The following GLIS3 variants were observed in gnomAD, a reference collection of about 807,000 sequenced individuals.
GLIS3 encodes GLIS family zinc finger 3.
In GLIS3, 53 loss-of-function variants were observed where a neutral mutation model predicts 78.6. That is an observed-to-expected ratio of 0.67 (90% CI 0.54 to 0.85). The LOEUF is 0.85. GLIS3 is among the 40% of genes least tolerant of loss of function. The probability of loss-of-function intolerance (pLI) is 0.00; values close to 1 mark genes in which losing one functional copy is unlikely to be tolerated. For missense variants in GLIS3, 1,703 were observed against 1,231.1 expected, an observed-to-expected ratio of 1.38 and a Z score of -5.74; for synonymous variants, 684 against 509.9, an observed-to-expected ratio of 1.34 and a Z score of -4.60.
At chr9:4,232,170 G>C (rs184838828) in intron 2 of GLIS3, among the ~76,000 whole-genome samples, 4 of 152,060 alleles carry the variant, frequency 2.6e-5, no homozygotes, top group African/African-American at 9.6e-5. Context: ...TTGAGGCCAG[G>C]GGTTCAAGAC....
intron 4 of GLIS3, among the ~76,000 whole-genome samples, chr9:4,095,205 C>G (rs1829846180): frequency 1.3e-5 from 2 of 152,172 alleles, no homozygotes; most frequent in Non-Finnish European, 2.9e-5. Flanking sequence ...TTCCCAGCCT[C>G]TAGTATTCTC....
rs114436110 is a variant in GLIS3 at position 4,298,248 on chromosome 9, C to G, written c.-99+1173G>C. The stretch of plus-strand genomic sequence containing the variant: ...CGGGCTCGCAGTCCCCCCACGCCGG[C>G]CCCCCGGTCCCCGCCGAGCCAGTGT... On this transcript the variant is annotated intron_variant, in intron 1 of 10. Coordinates refer to ENST00000381971, the MANE Select transcript of GLIS3 (RefSeq NM_001042413.2). The G allele has an allele frequency of 2.0e-5, 6 of 303,490 alleles. No individual in the cohort carries two copies. The East Asian group carries it at 7.6e-4, about 38-fold the overall frequency. 18.8% of individuals were successfully genotyped at this position (303,490 alleles called of 1,614,324 possible).
Position 4,216,176 on chromosome 9 carries a change from G to C in GLIS3, c.388+69862C>G, listed in dbSNP as rs1372948286. Among the ~76,000 whole-genome samples the C allele has an allele frequency of 5.9e-5, 9 of 152,150 alleles. No homozygotes were observed. The East Asian group carries it at 1.7e-3, about 29-fold the overall frequency. On this transcript the variant is annotated intron_variant, in intron 2 of 10. Coordinates refer to ENST00000381971, the MANE Select transcript of GLIS3 (RefSeq NM_001042413.2). Reference sequence around the variant, plus strand: ...GTTCTAAATTAATTTCATGCAAGAAGAAAATGTGGGTTGAGGCCAGGCACG... The same window carrying C: ...GTTCTAAATTAATTTCATGCAAGAACAAAATGTGGGTTGAGGCCAGGCACG...
Position 4,286,217 on chromosome 9 carries a change from G to A in GLIS3, c.209C>T (p.Pro70Leu), listed in dbSNP as rs767830058. 3 of 1,614,114 alleles carry A rather than the reference G, an allele frequency of 1.9e-6. No homozygotes were observed. The African/African-American group carries it at 4.0e-5, about 22-fold the overall frequency. The change falls in exon 2 of 11, where the codon CCT becomes CTT. Residue 70 changes from proline (P) to leucine (L), a missense_variant. Physicochemically the swap from Pro to Leu is moderately conservative, Grantham distance 98. Coordinates refer to ENST00000381971, the MANE Select transcript of GLIS3 (RefSeq NM_001042413.2). ...LKMPSGGGMA[P>L]QNNVAESRIH... Reference sequence around the variant, plus strand: ...GCGGCTCTCAGCCACGTTGTTCTGAGGAGCCATCCCTCCTCCTGAGGGCAT... The same window carrying A: ...GCGGCTCTCAGCCACGTTGTTCTGAAGAGCCATCCCTCCTCCTGAGGGCAT...
intron 4 of GLIS3, among the ~76,000 whole-genome samples, chr9:3,979,103 C>T (rs1327117360): frequency 1.3e-5 from 2 of 152,084 alleles, no homozygotes; most frequent in East Asian, 1.9e-4. Context: ...TAGGGAAAAC[C>T]ATATATTATA....
chr9:4,197,138 G>A (rs1818937840), intron 2 of GLIS3, among the ~76,000 whole-genome samples: 2 of 152,164 alleles, frequency 1.3e-5, no homozygotes, highest in Non-Finnish European at 2.9e-5. Flanking sequence ...AGATTGTGGT[G>A]CAGTGGGGCT....
chr9:3,829,275 G>C, intron 10 of GLIS3, 35 bp downstream of exon 10: 1 of 1,602,170 alleles, frequency 6.2e-7, no homozygotes, highest in Non-Finnish European at 8.5e-7. Context: ...CCTGTCAGTT[G>C]ACAGGATTTT....
chr9:4,456,513 T>C, the GLIS3 span, among the ~76,000 whole-genome samples: 1 of 152,236 alleles, frequency 6.6e-6, no homozygotes, highest in Non-Finnish European at 1.5e-5. Context: ...TCTGCTTTCT[T>C]ATCACTTGTG....
Position 4,279,324 on chromosome 9 carries a change from T to C in GLIS3, c.388+6714A>G, listed in dbSNP as rs867256421. Among the ~76,000 whole-genome samples the C allele has an allele frequency of 3.5e-3, 294 of 84,750 alleles. 6 individuals are homozygous for C. The highest frequency in any genetic ancestry group is 0.011 in the East Asian group (35 of 3,126). The allele number at this position is 84,750 out of a possible 152,430, so 55.6% of individuals were successfully genotyped here. On this transcript the variant is annotated intron_variant, in intron 2 of 10. Coordinates refer to ENST00000381971, the MANE Select transcript of GLIS3 (RefSeq NM_001042413.2). ...AAAAAAAAAAAAAAAAATATATATA[T>C]ACACACACACACACACACACACACA...
Position 3,879,508 on chromosome 9 carries a change from G to A in GLIS3, c.2216C>T (p.Pro739Leu). 1.2e-6 allele frequency: 2 copies of A among 1,614,104 alleles called. No individual in the cohort carries two copies. Among genetic ancestry groups the A allele is most frequent in the African/African-American group, 1.3e-5 (1 of 75,028 alleles). Residue 739 changes from proline (P) to leucine (L), a missense_variant, in exon 8 of 11, where the codon CCA becomes CTA. By Grantham distance (98) the Pro-to-Leu change is moderately conservative. Coordinates refer to ENST00000381971, the MANE Select transcript of GLIS3 (RefSeq NM_001042413.2). Reference sequence around the variant, plus strand: ...AGGGCTCCCCTGTACATTATGTCCTGGAGAAGGGTGACTGACAGGATGTGG... The same window carrying A: ...AGGGCTCCCCTGTACATTATGTCCTAGAGAAGGGTGACTGACAGGATGTGG... ...PPPHPVSHPS[P>L]GHNVQGSPHN...
chr9:4,209,520 C>A (rs1359486511), intron 2 of GLIS3, among the ~76,000 whole-genome samples: 1 of 152,180 alleles, frequency 6.6e-6, no homozygotes, highest in African/African-American at 2.4e-5. Context: ...AGAAACTTCA[C>A]CAGCAACAAG....
At chr9:4,166,555 G>A (rs1815858286) in intron 2 of GLIS3, among the ~76,000 whole-genome samples, 1 of 152,228 alleles carries the variant, frequency 6.6e-6, no homozygotes, top group Non-Finnish European at 1.5e-5. Flanking sequence ...TTCAAGTGCT[G>A]GCCTGAGTAC....
At chr9:4,392,430 T>C in the GLIS3 span, among the ~76,000 whole-genome samples, 181 of 152,294 alleles carry the variant, frequency 1.2e-3, no homozygotes, top group Non-Finnish European at 2.1e-3. Flanking sequence ...AACAAATGTT[T>C]ATCTTTCCCA....
chr9:4,421,183 T>G, the GLIS3 span, among the ~76,000 whole-genome samples: 5 of 152,190 alleles, frequency 3.3e-5, no homozygotes, highest in Admixed American at 2.0e-4. Context: ...TTGATATTCA[T>G]GAAAGGCTGA....
chr9:4,325,487 C>G (rs1223188863), intron 2 of GLIS3, among the ~76,000 whole-genome samples: 2 of 152,182 alleles, frequency 1.3e-5, no homozygotes, highest in African/African-American at 2.4e-5. Flanking sequence ...ACTAAGCCCA[C>G]TTCCCTCAAA....
the GLIS3 span, among the ~76,000 whole-genome samples, chr9:4,359,471 C>T: frequency 6.6e-6 from 1 of 152,136 alleles, no homozygotes; most frequent in Non-Finnish European, 1.5e-5. Flanking sequence ...TTTCAGCTGA[C>T]CCCTTGGTGA....
intron 2 of GLIS3, among the ~76,000 whole-genome samples, chr9:4,337,331 T>A (rs892701123): frequency 6.6e-6 from 1 of 152,146 alleles, no homozygotes; most frequent in African/African-American, 2.4e-5. Context: ...AATCAGAAAA[T>A]AGTTAATTAA....
chr9:4,223,989 C>CA (rs1821546507), intron 2 of GLIS3, among the ~76,000 whole-genome samples: 1 of 150,594 alleles, frequency 6.6e-6, no homozygotes, highest in Non-Finnish European at 1.5e-5. Flanking sequence ...TACACTTCTA[C>CA]AAAAAAGATC....
chr9:4,387,460 G>A, the GLIS3 span, among the ~76,000 whole-genome samples: 45 of 152,114 alleles, frequency 3.0e-4, no homozygotes, highest in African/African-American at 1.0e-3. Context: ...ATTTCTTTCA[G>A]CTCTTGTCGT....
Sources: gnomAD v4.1 joint callset for allele counts (sites outside exome capture counted in the v4.1 genomes callset) on GRCh38, gnomAD v4.1.1 for gene constraint, MANE v1.5 for transcripts, NCBI Gene and HGNC (gene_info 2026-07-23, HGNC 2026-07-21) for gene names.